The following ACOX3 variants were observed in gnomAD, a reference collection of about 807,000 sequenced individuals.
The protein encoded by ACOX3 is peroxisomal acyl-coenzyme A oxidase 3.
A neutral mutation model predicts 81.5 loss-of-function variants in ACOX3; 73 were observed. The observed-to-expected ratio is 0.90, with a 90% CI of 0.74 to 1.09. ACOX3 has a LOEUF of 1.09. Among genes scored for constraint, ACOX3 ranks in the 50% least tolerant of loss-of-function variants. The probability of loss-of-function intolerance (pLI) is 0.00; values close to 1 mark genes in which losing one functional copy is unlikely to be tolerated. For synonymous variants in ACOX3, 387 were observed against 375.1 expected (o/e 1.03, Z -0.37); for missense variants, 947 against 928.0 (o/e 1.02, Z -0.27).
At chr4:8,424,717 T>C (rs947507250) in intron 1 of ACOX3, among the ~76,000 whole-genome samples, 2 of 152,260 alleles carry the variant, frequency 1.3e-5, no homozygotes, top group African/African-American at 4.8e-5. Context: ...TCCAGCCACA[T>C]TTCTTCCAGA....
rs774268065 is a variant in ACOX3 at position 8,416,548 on chromosome 4, T to G, written c.-14-13A>C. ...GCGTGATAAGAGCCTGCACAAAACA[T>G]GCAACCTGAATCCATGCTCTCCCAT... On this transcript the variant is annotated splice_polypyrimidine_tract_variant and intron_variant, in intron 1 of 17. Transcript: ENST00000356406. This position sits in a 1 kb window ranked among gnomAD's most constrained non-coding sequence, Gnocchi z 4.2. 1.3e-6 allele frequency: 2 copies of G among 1,566,678 alleles called. No individual in the cohort carries two copies. The highest frequency in any genetic ancestry group is 1.7e-6 in the Non-Finnish European group (2 of 1,155,454).
At position 8,405,055 on chromosome 4, in the gene ACOX3, T is replaced by C. The variant is rs1246906768; in HGVS notation, c.776+900A>G. ...CAGGGCCCTGGCACAGGGACCTCTC[T>C]TGTCACCTACTTTACAGATGAGGAA... On this transcript the variant is annotated intron_variant, in intron 7 of 17. Transcript: ENST00000356406. The surrounding 1 kb of genome is among the most constrained non-coding windows in gnomAD (Gnocchi z 7.1). Among the ~76,000 whole-genome samples, 2 of 152,148 alleles carry C rather than the reference T, an allele frequency of 1.3e-5. No homozygotes were observed. The highest frequency in any genetic ancestry group is 1.9e-4 in the East Asian group (1 of 5,174).
chr4:8,422,580 T>C (rs1264541996), intron 1 of ACOX3, among the ~76,000 whole-genome samples: 3 of 152,232 alleles, frequency 2.0e-5, no homozygotes, highest in Non-Finnish European at 2.9e-5. Context: ...TTTGCCACTA[T>C]AGGAATATGC....
chr4:8,410,715 G>A (rs943726775), intron 5 of ACOX3, among the ~76,000 whole-genome samples: 1 of 152,282 alleles, frequency 6.6e-6, no homozygotes, highest in Non-Finnish European at 1.5e-5. Context: ...GGCTGTCTGT[G>A]CCCTGTGGGC....
chr4:8,420,835 T>C (rs1008633578), intron 1 of ACOX3, among the ~76,000 whole-genome samples: 3 of 152,214 alleles, frequency 2.0e-5, no homozygotes, highest in Non-Finnish European at 4.4e-5. Flanking sequence ...TCTGATCCAG[T>C]GAGGCACCCA....
rs1174102887 is a variant in ACOX3, at chr4:8,386,989, C to T, written c.1537+2184G>A. ...CCCTGCATGAGGGAGGCCAGTGCTC[C>T]CTCCTCCCGAGGATCCAGGGGCCTC... On this transcript the variant is annotated intron_variant, in intron 13 of 17. Transcript: ENST00000356406. The surrounding 1 kb of genome is among the most constrained non-coding windows in gnomAD (Gnocchi z 5.2). Among the ~76,000 whole-genome samples the T allele has an allele frequency of 1.3e-5, 2 of 152,224 alleles. No individual in the cohort carries two copies. The highest frequency in any genetic ancestry group is 1.3e-4 in the Admixed American group (2 of 15,270).
chr4:8,383,534 T>G (rs915182449), intron 13 of ACOX3, among the ~76,000 whole-genome samples: 3 of 152,140 alleles, frequency 2.0e-5, no homozygotes, highest in African/African-American at 7.2e-5. Context: ...CAAGAACTCC[T>G]GGAGCTGCCA....
chr4:8,399,792 C>T lies in ACOX3; in HGVS notation c.777-140G>A. 1.4e-6 allele frequency: 1 copy of T among 704,160 alleles called. No homozygotes were observed. The highest frequency in any genetic ancestry group is 2.4e-6 in the Non-Finnish European group (1 of 415,808). The allele number at this position is 704,160 out of a possible 1,614,324, so 43.6% of individuals were successfully genotyped here. On this transcript the variant is annotated intron_variant, in intron 7 of 17. Transcript: ENST00000356406. This position sits in a 1 kb window ranked among gnomAD's most constrained non-coding sequence, Gnocchi z 4.9. Reference sequence around the variant, plus strand: ...GGGCAAGTAGACAGGAACATTCAACCAACTTTCTATTCAAAAAAGTAGTCT... The same window carrying T: ...GGGCAAGTAGACAGGAACATTCAACTAACTTTCTATTCAAAAAAGTAGTCT...
intron 1 of ACOX3, among the ~76,000 whole-genome samples, chr4:8,425,480 A>G (rs1221515815): frequency 6.6e-6 from 1 of 151,748 alleles, no homozygotes; most frequent in East Asian, 1.9e-4. Flanking sequence ...TTAGGCATTG[A>G]TAGCACCTAT....
rs545678172 is a variant in ACOX3 at position 8,396,604 on chromosome 4, G to A, written c.1056+333C>T. ...AGACACGAGAATCACTTGAACCTGG[G>A]AGGCGGAGGTTGCAGTGAGCCAAGA... On this transcript the variant is annotated intron_variant, in intron 9 of 17. Transcript: ENST00000356406. Among the ~76,000 whole-genome samples the A allele has an allele frequency of 6.6e-5, 10 of 151,490 alleles. No homozygotes were observed. The South Asian group carries it at 1.5e-3, about 22-fold the overall frequency.
rs896102858 is a variant in ACOX3, at chr4:8,407,970, C to G, written c.688-1927G>C. Among the ~76,000 whole-genome samples, 7 of 152,184 alleles carry G rather than the reference C, an allele frequency of 4.6e-5. No individual in the cohort carries two copies. Among genetic ancestry groups the G allele is most frequent in the African/African-American group, 1.7e-4 (7 of 41,450 alleles). On this transcript the variant is annotated intron_variant, in intron 6 of 17. Coordinates refer to ENST00000356406, the MANE Select transcript of ACOX3 (RefSeq NM_003501.3). This position sits in a 1 kb window ranked among gnomAD's most constrained non-coding sequence, Gnocchi z 4.6. The stretch of plus-strand genomic sequence containing the variant: ...TGGCCAGACGCCAGAAGTGCTCAGC[C>G]CAGCCCTGGGCATACAGGGCGCCCC...
rs757862168 is a variant in ACOX3, at chr4:8,389,861, T to C, written c.1301-127A>G. ...GGCTCACACCTGTAATGGCAGCACT[T>C]TGGGGGGCCGAGGCGGGTGGATCAC... On this transcript the variant is annotated intron_variant, in intron 11 of 17. Transcript: ENST00000356406. This position sits in a 1 kb window ranked among gnomAD's most constrained non-coding sequence, Gnocchi z 5.3. The C allele has an allele frequency of 9.3e-6, 12 of 1,283,860 alleles. No homozygotes were observed. The highest frequency in any genetic ancestry group is 4.0e-5 in the South Asian group (3 of 75,830). The allele number at this position is 1,283,860 out of a possible 1,614,324, so 79.5% of individuals were successfully genotyped here. A position where few individuals can be genotyped will look rare whatever the true frequency, so the allele number is the denominator to read the frequency against.
chr4:8,371,819 C>T (rs1383700677), intron 16 of ACOX3, among the ~76,000 whole-genome samples: 1 of 152,280 alleles, frequency 6.6e-6, no homozygotes, highest in Admixed American at 6.5e-5. Context: ...GCCCGACAAA[C>T]GTGTTCCGTA....
Position 8,384,340 on chromosome 4 carries a change from A to G in ACOX3, c.1538-2733T>C, listed in dbSNP as rs1718042217. Reference sequence around the variant, plus strand: ...CCCAAAAAGCACATGAAAGCAAACAATGAAAGGTGGGTGTTGTGTGTGTCA... The same window carrying G: ...CCCAAAAAGCACATGAAAGCAAACAGTGAAAGGTGGGTGTTGTGTGTGTCA... On this transcript the variant is annotated intron_variant, in intron 13 of 17. Coordinates refer to ENST00000356406, the MANE Select transcript of ACOX3 (RefSeq NM_003501.3). This position sits in a 1 kb window ranked among gnomAD's most constrained non-coding sequence, Gnocchi z 5.3. Among the ~76,000 whole-genome samples, 1 of 152,228 alleles carries G rather than the reference A, an allele frequency of 6.6e-6. No individual in the cohort carries two copies. Among genetic ancestry groups the G allele is most frequent in the South Asian group, 2.1e-4 (1 of 4,830 alleles).
rs1483591263 is a variant in ACOX3, at chr4:8,385,704, T to C, written c.1537+3469A>G. Among the ~76,000 whole-genome samples, 1 of 152,146 alleles carries C rather than the reference T, an allele frequency of 6.6e-6. No individual in the cohort carries two copies. Among genetic ancestry groups the C allele is most frequent in the Non-Finnish European group, 1.5e-5 (1 of 68,006 alleles). ...ATTGGCTTGGCAAATCCTCCACCCT[T>C]CCTCACAGGCAAGCGCAACCCCGGA... On this transcript the variant is annotated intron_variant, in intron 13 of 17. Transcript: ENST00000356406. This position sits in a 1 kb window ranked among gnomAD's most constrained non-coding sequence, Gnocchi z 5.5.
chr4:8,392,303 G>T, intron 11 of ACOX3, 30 bp downstream of exon 11: 5 of 1,494,204 alleles, frequency 3.3e-6, no homozygotes, highest in Non-Finnish European at 4.5e-6. Flanking sequence ...CTAAGGACAG[G>T]AAACCACCAT....
chr4:8,414,201 G>GA lies in ACOX3; in HGVS notation c.543+90_543+91insT. The stretch of plus-strand genomic sequence containing the variant: ...ATGTGGACAGGCCTCTTGCTTTAAT[G>GA]TTTTTTTTTTCTTATTCTGGGCAAC... On this transcript the variant is annotated intron_variant, in intron 5 of 17. Transcript: ENST00000356406. The surrounding 1 kb of genome is among the most constrained non-coding windows in gnomAD (Gnocchi z 6.1). 6 of 1,009,916 alleles carry GA rather than the reference G, an allele frequency of 5.9e-6. No homozygotes were observed. The allele number at this position is 1,009,916 out of a possible 1,614,324, so 62.6% of individuals were successfully genotyped here.
chr4:8,374,931 G>C (rs1040982728), intron 15 of ACOX3, 47 bp downstream of exon 15: 40 of 1,457,542 alleles, frequency 2.7e-5, no homozygotes, highest in Non-Finnish European at 3.5e-5. Flanking sequence ...ACAACACGGG[G>C]GCCCTGACTC....
Position 8,382,573 on chromosome 4 carries a change from CG to C in ACOX3, c.1538-967del, listed in dbSNP as rs1560173224. Among the ~76,000 whole-genome samples the C allele has an allele frequency of 6.6e-6, 1 of 152,220 alleles. No homozygotes were observed. The highest frequency in any genetic ancestry group is 6.5e-5 in the Admixed American group (1 of 15,288). ...CTGCAGGGGCCTTCTGCCTGGCAGCCGGTCTTGCTCAGAGATCCCAGGCAGG... is the reference window on the plus strand; with the variant it reads ...CTGCAGGGGCCTTCTGCCTGGCAGCCGTCTTGCTCAGAGATCCCAGGCAGG... On this transcript the variant is annotated intron_variant, in intron 13 of 17. Transcript: ENST00000356406. The surrounding 1 kb of genome is among the most constrained non-coding windows in gnomAD (Gnocchi z 4.1).
Sources: allele counts gnomAD v4.1 joint callset (sites outside exome capture counted in the v4.1 genomes callset), GRCh38; gene constraint gnomAD v4.1.1; non-coding constraint Gnocchi (gnomAD v3.1); transcripts MANE v1.5; gene names NCBI Gene and HGNC (gene_info 2026-07-23, HGNC 2026-07-21).